The following RASEF variants were observed in gnomAD, a reference collection of about 807,000 sequenced individuals.
RASEF encodes RAS and EF-hand domain containing, also known as ras and EF-hand domain-containing protein.
A neutral mutation model predicts 90.1 loss-of-function variants in RASEF; 68 were observed. The ratio of observed to expected loss-of-function variants is 0.75; its 90% confidence interval spans 0.62 to 0.92. The LOEUF (loss-of-function observed/expected upper bound fraction) is 0.92. Among genes scored for constraint, RASEF ranks in the 40% least tolerant of loss-of-function variants. The probability of loss-of-function intolerance (pLI) is 0.00; values close to 1 mark genes in which losing one functional copy is unlikely to be tolerated. For synonymous variants in RASEF, 331 were observed against 345.2 expected, an observed-to-expected ratio of 0.96 and a Z score of 0.46; for missense variants, 949 against 937.2, an observed-to-expected ratio of 1.01 and a Z score of -0.16.
the RASEF span, among the ~76,000 whole-genome samples, chr9:83,208,016 A>G: frequency 6.6e-6 from 1 of 152,062 alleles, no homozygotes; most frequent in Non-Finnish European, 1.5e-5. Context: ...ATTCATTTTT[A>G]TTGTTAATAT....
chr9:83,195,260 C>G, the RASEF span, among the ~76,000 whole-genome samples: 2 of 152,198 alleles, frequency 1.3e-5, no homozygotes, highest in African/African-American at 4.8e-5. Context: ...TGTGAATTAC[C>G]TGCTTGGGGA....
the RASEF span, among the ~76,000 whole-genome samples, chr9:83,114,704 G>A: frequency 6.6e-6 from 1 of 152,166 alleles, no homozygotes; most frequent in Non-Finnish European, 1.5e-5. Context: ...CCGGTCTCCT[G>A]TAGCACTCCC....
At chr9:83,194,493 C>T in the RASEF span, among the ~76,000 whole-genome samples, 23 of 152,292 alleles carry the variant, frequency 1.5e-4, no homozygotes, top group East Asian at 4.4e-3. Flanking sequence ...GCCTTGACCA[C>T]CTGGCCGCCA....
chr9:83,205,095 A>G, the RASEF span, among the ~76,000 whole-genome samples: 1 of 152,238 alleles, frequency 6.6e-6, no homozygotes, highest in Admixed American at 6.5e-5. Context: ...AACACTGGTT[A>G]AAAGGATCCC....
the RASEF span, among the ~76,000 whole-genome samples, chr9:83,134,672 C>A: frequency 6.2e-4 from 95 of 152,188 alleles, no homozygotes; most frequent in East Asian, 0.016. Flanking sequence ...TAAACTAGTG[C>A]CAGCTGCTTT....
chr9:83,089,332 T>A, the RASEF span, among the ~76,000 whole-genome samples: 2 of 152,036 alleles, frequency 1.3e-5, no homozygotes, highest in African/African-American at 2.4e-5. Context: ...ACAAAAAAAA[T>A]TTATACTGTC....
At chr9:83,119,696 T>C in the RASEF span, among the ~76,000 whole-genome samples, 1 of 152,140 alleles carries the variant, frequency 6.6e-6, no homozygotes, top group Non-Finnish European at 1.5e-5. Context: ...AAATCTCACT[T>C]TGTAGCTCCC....
At chr9:83,213,203 C>A in the RASEF span, among the ~76,000 whole-genome samples, 1 of 151,414 alleles carries the variant, frequency 6.6e-6, no homozygotes, top group Non-Finnish European at 1.5e-5. Flanking sequence ...AGTTCGAGAC[C>A]AGCCTGGCCA....
chr9:83,049,375 T>C lies in RASEF; in HGVS notation c.431+13062A>G, dbSNP rs1156249129. 5.1e-6 allele frequency: 5 copies of C among 977,264 alleles called. No individual in the cohort carries two copies. The African/African-American group carries it at 8.7e-5, about 17-fold the overall frequency. 60.5% of individuals were successfully genotyped at this position (977,264 alleles called of 1,614,324 possible). A position where few individuals can be genotyped will look rare whatever the true frequency, so the allele number is the denominator to read the frequency against. Reference sequence around the variant, plus strand: ...CAGTCAATGTCCGTGCGGGACTGGCTCATACATGGCTATCTTGAACACATT... The same window carrying C: ...CAGTCAATGTCCGTGCGGGACTGGCCCATACATGGCTATCTTGAACACATT... On this transcript the variant is annotated intron_variant, in intron 1 of 16. Coordinates refer to ENST00000376447, the MANE Select transcript of RASEF (RefSeq NM_152573.4).
the RASEF span, among the ~76,000 whole-genome samples, chr9:83,159,064 T>C: frequency 6.6e-6 from 1 of 151,918 alleles, no homozygotes; most frequent in Non-Finnish European, 1.5e-5. Context: ...CAGGTGCCTG[T>C]AGTCCCAGCT....
At chr9:83,193,569 T>C in the RASEF span, among the ~76,000 whole-genome samples, 1 of 152,178 alleles carries the variant, frequency 6.6e-6, no homozygotes, top group African/African-American at 2.4e-5. Context: ...CTAGCACAGT[T>C]CTTGGTACAC....
the RASEF span, among the ~76,000 whole-genome samples, chr9:83,094,175 C>G: frequency 1.4e-5 from 2 of 145,914 alleles, no homozygotes; most frequent in African/African-American, 5.6e-5. Flanking sequence ...TCCACAAGAT[C>G]CTATAGTTTA....
the RASEF span, among the ~76,000 whole-genome samples, chr9:83,074,849 T>G: frequency 6.6e-6 from 1 of 152,220 alleles, no homozygotes; most frequent in Non-Finnish European, 1.5e-5. Context: ...AACCTTCTTA[T>G]TTTCAAACCA....
At chr9:83,065,044 G>T (rs1173583790), upstream of RASEF, among the ~76,000 whole-genome samples, 1 of 152,152 alleles carries the variant, frequency 6.6e-6, no homozygotes. Context: ...CTCCAGCCTG[G>T]GCAACAGAGC....
At chr9:83,107,981 C>A in the RASEF span, among the ~76,000 whole-genome samples, 1 of 152,162 alleles carries the variant, frequency 6.6e-6, no homozygotes, top group African/African-American at 2.4e-5. Flanking sequence ...ATAAAAAGTA[C>A]ACACTGGTCT....
chr9:83,080,651 A>G, the RASEF span, among the ~76,000 whole-genome samples: 1 of 152,192 alleles, frequency 6.6e-6, no homozygotes, highest in Non-Finnish European at 1.5e-5. Context: ...AAAATTATAC[A>G]TACACAAAAC....
rs1394696708 is a variant in RASEF, at chr9:82,980,560, T to C, written c.*2117A>G. The C allele has an allele frequency of 6.6e-6, 1 of 152,198 alleles. No homozygotes were observed. The highest frequency in any genetic ancestry group is 2.4e-5 in the African/African-American group (1 of 41,452). 9.4% of individuals were successfully genotyped at this position (152,198 alleles called of 1,614,324 possible). On this transcript the variant is annotated 3_prime_UTR_variant, in exon 17 of 17. Coordinates refer to ENST00000376447, the MANE Select transcript of RASEF (RefSeq NM_152573.4). ...GTATTATGGTATACTCTTTCACAGA[T>C]TGTAAAACAAATATAAAGAGACACT... is the stretch of plus-strand genomic sequence containing the variant.
intron 1 of RASEF, among the ~76,000 whole-genome samples, chr9:83,034,702 C>A (rs1177535523): frequency 1.3e-5 from 2 of 152,206 alleles, no homozygotes; most frequent in East Asian, 3.9e-4. Context: ...ACAACTGGGG[C>A]TTCTGCAGTC....
chr9:83,105,524 G>C, the RASEF span, among the ~76,000 whole-genome samples: 1 of 152,122 alleles, frequency 6.6e-6, no homozygotes, highest in Non-Finnish European at 1.5e-5. Flanking sequence ...GTTTTCACTT[G>C]ACAAACCAAT....
Sources: allele counts gnomAD v4.1 joint callset (sites outside exome capture counted in the v4.1 genomes callset), GRCh38; gene constraint gnomAD v4.1.1; transcripts MANE v1.5; gene names NCBI Gene and HGNC (gene_info 2026-07-23, HGNC 2026-07-21).